DNAAF9: variants seen among roughly 807,000 people sequenced by gnomAD.
The protein encoded by DNAAF9 is dynein axonemal assembly factor 9.
DNAAF9 carries 90 observed loss-of-function variants against 167.0 expected under a neutral mutation model. The ratio of observed to expected loss-of-function variants is 0.54; its 90% CI spans 0.45 to 0.64. DNAAF9 has a LOEUF of 0.64. DNAAF9 is among the 30% of genes least tolerant of loss of function. The probability of loss-of-function intolerance (pLI) is 0.00; values close to 1 mark genes in which losing one functional copy is unlikely to be tolerated. For synonymous variants in DNAAF9, 491 were observed against 508.8 expected (o/e 0.96, Z 0.47); for missense variants, 1,315 against 1,442.2 (o/e 0.91, Z 1.43).
At chr20:3,366,882 A>T (rs1391322418) in intron 6 of DNAAF9, among the ~76,000 whole-genome samples, 4 of 151,696 alleles carry the variant, frequency 2.6e-5, no homozygotes, top group Non-Finnish European at 4.4e-5. Flanking sequence ...CCGTGATCAC[A>T]CCACTGCACT....
intron 26 of DNAAF9, among the ~76,000 whole-genome samples, chr20:3,289,388 T>G (rs904622156): frequency 6.6e-6 from 1 of 152,084 alleles, no homozygotes; most frequent in African/African-American, 2.4e-5. Flanking sequence ...AGGTTACAGG[T>G]GAACTATGAT....
At chr20:3,264,784 C>A (rs6139054) in intron 30 of DNAAF9, among the ~76,000 whole-genome samples, 31 of 152,124 alleles carry the variant, frequency 2.0e-4, no homozygotes, top group African/African-American at 7.0e-4. Flanking sequence ...TGGCCAGGAT[C>A]GTCTCAATCT....
At chr20:3,366,975 C>T (rs1210470228) in intron 6 of DNAAF9, among the ~76,000 whole-genome samples, 1 of 151,742 alleles carries the variant, frequency 6.6e-6, no homozygotes, top group Admixed American at 6.6e-5. Context: ...AAAGAAAGTC[C>T]TAGATGGCAT....
At chr20:3,366,901 G>A (rs1319521587) in intron 6 of DNAAF9, among the ~76,000 whole-genome samples, 3 of 151,356 alleles carry the variant, frequency 2.0e-5, no homozygotes, top group Non-Finnish European at 4.4e-5. Flanking sequence ...CTCCAGCCTG[G>A]GCAACACGGT....
rs529177044 is a variant in DNAAF9, at chr20:3,306,034, C to T, written c.1679-1491G>A. ...ACACCACAGCATGTTACTTTCATTC[C>T]CCTAGAGACACAAGCCCCTCCCTCT... On this transcript the variant is annotated intron_variant, in intron 20 of 36. Transcript: ENST00000252032. 2.0e-5 allele frequency among the ~76,000 whole-genome samples: 3 copies of T among 152,282 alleles called. No individual in the cohort carries two copies. In the South Asian group the frequency reaches 6.2e-4, roughly 32 times the overall value.
At chr20:3,323,366 C>T (rs1369530809) in intron 14 of DNAAF9, among the ~76,000 whole-genome samples, 3 of 148,488 alleles carry the variant, frequency 2.0e-5, no homozygotes, top group African/African-American at 7.5e-5. Context: ...ACTGCAACCT[C>T]CACCTCCTGG....
In DNAAF9 at chr20:3,335,757, C is replaced by CAAAAAA. The variant is rs151182468; in HGVS notation, c.982-3402_982-3397dup. Among the ~76,000 whole-genome samples, 89 of 98,194 alleles carry CAAAAAA rather than the reference C, an allele frequency of 9.1e-4. 1 individual carries two copies. The highest frequency in any genetic ancestry group is 8.2e-3 in the Middle Eastern group (1 of 122). 64.4% of individuals were successfully genotyped at this position (98,194 alleles called of 152,430 possible). A position where few individuals can be genotyped will look rare whatever the true frequency, so the allele number is the denominator to read the frequency against. ...GGGTGACAAGAGCAAAACTCCGTCT[C>CAAAAAA]AAAAAAAAAAAAAAAAAAAAATTGT... is the stretch of plus-strand genomic sequence containing the variant. On this transcript the variant is annotated intron_variant, in intron 10 of 36. Transcript: ENST00000252032.
chr20:3,261,492 C>T (rs1442220087), intron 31 of DNAAF9, among the ~76,000 whole-genome samples: 2 of 151,804 alleles, frequency 1.3e-5, no homozygotes, highest in Non-Finnish European at 2.9e-5. Flanking sequence ...CTCAGCCTCC[C>T]GAGTAGCTGG....
At chr20:3,325,937 T>C (rs1038964894) in intron 13 of DNAAF9, among the ~76,000 whole-genome samples, 2 of 152,078 alleles carry the variant, frequency 1.3e-5, no homozygotes, top group Admixed American at 6.6e-5. Context: ...AACAAAACAA[T>C]GTGCTACAGA....
chr20:3,345,179 C>T (rs989726276), intron 8 of DNAAF9, among the ~76,000 whole-genome samples: 8 of 152,022 alleles, frequency 5.3e-5, no homozygotes, highest in Admixed American at 2.0e-4. Context: ...TCACCACAGC[C>T]GGCTAATTTT....
intron 10 of DNAAF9, 48 bp downstream of exon 10, chr20:3,340,456 C>CCCCA: frequency 1.7e-6 from 2 of 1,152,354 alleles, no homozygotes. Context: ...CCCACCCCCA[C>CCCCA]AACTTGATAA....
intron 5 of DNAAF9, 148 bp downstream of exon 5, chr20:3,374,882 T>C (rs1279834415): frequency 7.9e-6 from 5 of 630,020 alleles, no homozygotes; most frequent in Non-Finnish European, 1.1e-5. Flanking sequence ...CACAGAAAAG[T>C]CCCCATACTT....
At chr20:3,358,303 A>G (rs761151699) in intron 7 of DNAAF9, among the ~76,000 whole-genome samples, 4 of 151,628 alleles carry the variant, frequency 2.6e-5, no homozygotes, top group Non-Finnish European at 5.9e-5. Flanking sequence ...CTTTTTTTTT[A>G]GATGGAGTCT....
intron 1 of DNAAF9, chr20:3,384,407 G>T (rs1255089374): frequency 1.3e-5 from 2 of 152,148 alleles, no homozygotes; most frequent in Admixed American, 6.5e-5. Context: ...CTTCCTCTGG[G>T]AGAGTAAGAG....
intron 17 of DNAAF9, among the ~76,000 whole-genome samples, chr20:3,317,811 G>A (rs2069531644): frequency 6.6e-6 from 1 of 152,056 alleles, no homozygotes; most frequent in Non-Finnish European, 1.5e-5. Context: ...TGGCCAGGCT[G>A]GTCTCAAACT....
rs141935265 is a variant in DNAAF9, at chr20:3,285,745, G to A, written c.2486+1887C>T. ...TGTAATTGCAGCACTTTGGGAGGCT[G>A]AGGTGGGCGGATCACCTGAGGTCAG... On this transcript the variant is annotated intron_variant, in intron 27 of 36. Transcript: ENST00000252032. Among the ~76,000 whole-genome samples, 919 of 150,140 alleles carry A rather than the reference G, an allele frequency of 6.1e-3. 13 individuals carry two copies. Among genetic ancestry groups the A allele is most frequent in the African/African-American group, 0.021 (857 of 40,850 alleles).
At position 3,260,155 on chromosome 20, in the gene DNAAF9, A is replaced by T. The variant is rs947357596; in HGVS notation, c.2874-127T>A. On this transcript the variant is annotated intron_variant, in intron 31 of 36. Coordinates refer to ENST00000252032, the MANE Select transcript of DNAAF9 (RefSeq NM_001009984.3). The stretch of plus-strand genomic sequence containing the variant: ...GAGATCGAGACCATCCTGGCTAACA[A>T]GGTGAAACCCCGTCTCTACTAAAAA... 7.4e-5 allele frequency: 39 copies of T among 529,278 alleles called. No individual in the cohort carries two copies. In the East Asian group the frequency reaches 1.3e-3, roughly 18 times the overall value. 32.8% of individuals were successfully genotyped at this position (529,278 alleles called of 1,614,324 possible).
At chr20:3,374,968 G>T in intron 5 of DNAAF9, 62 bp downstream of exon 5, 1 of 853,692 alleles carries the variant, frequency 1.2e-6, no homozygotes. Flanking sequence ...AGGAAAAGTA[G>T]TGACGTTCAA....
At chr20:3,394,947 T>TC (rs2083881520) in intron 1 of DNAAF9, among the ~76,000 whole-genome samples, 1 of 108,854 alleles carries the variant, frequency 9.2e-6, no homozygotes, top group African/African-American at 4.1e-5. Context: ...ATTTTCTTTT[T>TC]TCTTTTTTTT....
Sources: allele counts gnomAD v4.1 joint callset (sites outside exome capture counted in the v4.1 genomes callset), GRCh38; gene constraint gnomAD v4.1.1; transcripts MANE v1.5; gene names NCBI Gene and HGNC (gene_info 2026-07-23, HGNC 2026-07-21).